Variants in PEX5L observed in about 807,000 individuals in gnomAD.
The protein encoded by PEX5L is peroxisomal biogenesis factor 5 like, also known as PEX5-related protein.
Under a neutral mutation model 84.0 loss-of-function variants are expected in PEX5L, and 30 were observed. The observed-to-expected ratio is 0.36, with a 90% CI of 0.27 to 0.48. The LOEUF (loss-of-function observed/expected upper bound fraction) is 0.48, where lower values mean the gene tolerates loss of function less well. Ranked by LOEUF, PEX5L falls within the 20% of genes least tolerant of loss-of-function variation. The probability of loss-of-function intolerance (pLI) is 0.99; values close to 1 mark genes in which losing one functional copy is unlikely to be tolerated. For synonymous variants in PEX5L, 270 were observed against 283.1 expected (o/e 0.95, Z 0.46); for missense variants, 533 against 754.6 (o/e 0.71, Z 3.44).
chr3:179,972,331 C>G (rs1784969496), intron 1 of PEX5L, among the ~76,000 whole-genome samples: 1 of 151,488 alleles, frequency 6.6e-6, no homozygotes, highest in Admixed American at 6.6e-5. Flanking sequence ...TCCCAATGAC[C>G]ACTCTCCATC....
intron 3 of PEX5L, among the ~76,000 whole-genome samples, chr3:179,896,876 A>G (rs1759498205): frequency 6.6e-6 from 1 of 152,116 alleles, no homozygotes; most frequent in Non-Finnish European, 1.5e-5. Context: ...TTTACTATGT[A>G]TATTAAGTAA....
chr3:179,951,424 A>C (rs1265739944), intron 2 of PEX5L, among the ~76,000 whole-genome samples: 1 of 152,212 alleles, frequency 6.6e-6, no homozygotes, highest in Non-Finnish European at 1.5e-5. Flanking sequence ...GCAATGAAGT[A>C]TAAGCAAATG....
intron 3 of PEX5L, among the ~76,000 whole-genome samples, chr3:179,893,956 G>A (rs760245765): frequency 2.0e-5 from 3 of 151,812 alleles, no homozygotes; most frequent in Non-Finnish European, 2.9e-5. Context: ...TTGAGATGGG[G>A]TCTTGCTATG....
intron 7 of PEX5L, among the ~76,000 whole-genome samples, chr3:179,873,170 C>T (rs1750955902): frequency 6.6e-6 from 1 of 152,164 alleles, no homozygotes. Context: ...GGACAAGTTT[C>T]TTCAGCTCAC....
chr3:179,888,590 G>A (rs1756633776), intron 3 of PEX5L, among the ~76,000 whole-genome samples: 1 of 151,208 alleles, frequency 6.6e-6, no homozygotes, highest in African/African-American at 2.4e-5. Flanking sequence ...ATGTTTCTAC[G>A]GTTAAGGGAG....
intron 1 of PEX5L, among the ~76,000 whole-genome samples, chr3:179,981,144 G>C (rs550032310): frequency 4.8e-4 from 73 of 152,150 alleles, no homozygotes; most frequent in African/African-American, 1.6e-3. Flanking sequence ...AATTATTACT[G>C]CTAATGAGGA....
At chr3:180,024,776 A>G (rs1790793393) in intron 1 of PEX5L, among the ~76,000 whole-genome samples, 1 of 152,128 alleles carries the variant, frequency 6.6e-6, no homozygotes, top group African/African-American at 2.4e-5. Context: ...ACAACAGGGT[A>G]TAAGCAAATG....
intron 7 of PEX5L, 26 bp from the exon 8 acceptor site, chr3:179,859,183 T>A (rs1008697244): frequency 1.3e-6 from 2 of 1,493,692 alleles, no homozygotes; most frequent in African/African-American, 1.4e-5. Flanking sequence ...CACATAGTGT[T>A]ATAATATTAG....
chr3:179,955,450 G>T (rs9842358), intron 2 of PEX5L, among the ~76,000 whole-genome samples: 1 of 145,032 alleles, frequency 6.9e-6, no homozygotes, highest in Non-Finnish European at 1.5e-5. Context: ...TTTTTTTGCT[G>T]AAGACTCACT....
intron 8 of PEX5L, among the ~76,000 whole-genome samples, chr3:179,831,639 A>G (rs1732988053): frequency 1.3e-5 from 2 of 152,040 alleles, no homozygotes; most frequent in Admixed American, 1.3e-4. Context: ...GGTAAGGGGG[A>G]GGAAAGGTGC....
At chr3:179,947,533 T>C (rs993298549) in intron 2 of PEX5L, among the ~76,000 whole-genome samples, 1 of 152,014 alleles carries the variant, frequency 6.6e-6, no homozygotes, top group Non-Finnish European at 1.5e-5. Context: ...GGTTTTTTTC[T>C]ATTACAGTAG....
intron 2 of PEX5L, among the ~76,000 whole-genome samples, chr3:179,929,078 T>G (rs553204644): frequency 6.6e-6 from 1 of 152,322 alleles, no homozygotes; most frequent in South Asian, 2.1e-4. Flanking sequence ...AATGACTTAT[T>G]CCATCAAGTC....
chr3:179,925,349 T>G (rs894793622), intron 2 of PEX5L, among the ~76,000 whole-genome samples: 2 of 119,836 alleles, frequency 1.7e-5, no homozygotes, highest in Admixed American at 1.6e-4. Context: ...ATAAACACTG[T>G]GGTTAGTTTT....
At chr3:180,001,806 C>T (rs1489824866) in intron 1 of PEX5L, among the ~76,000 whole-genome samples, 1 of 151,956 alleles carries the variant, frequency 6.6e-6, no homozygotes, top group African/African-American at 2.4e-5. Context: ...TTCCTGCTTC[C>T]CAGTACATTT....
intron 2 of PEX5L, among the ~76,000 whole-genome samples, chr3:179,952,490 T>A (rs1281655615): frequency 6.6e-6 from 1 of 152,120 alleles, no homozygotes; most frequent in Non-Finnish European, 1.5e-5. Context: ...TGTAAGTTCA[T>A]CTAATCACTT....
chr3:179,819,782 GCTATTGA>G, intron 9 of PEX5L, 71 bp downstream of exon 9: 1 of 1,188,962 alleles, frequency 8.4e-7, no homozygotes, highest in South Asian at 1.3e-5. Context: ...TGACAGAATA[GCTATTGA>G]CTAATCTATA....
chr3:179,844,080 CCACTT>C (rs1265848375), intron 8 of PEX5L, among the ~76,000 whole-genome samples: 1 of 152,218 alleles, frequency 6.6e-6, no homozygotes, highest in Non-Finnish European at 1.5e-5. Context: ...GCTCATGTGA[CCACTT>C]CACTTCCATT....
intron 2 of PEX5L, among the ~76,000 whole-genome samples, chr3:179,955,716 G>A (rs866547464): frequency 1.3e-5 from 2 of 151,752 alleles, no homozygotes; most frequent in South Asian, 2.1e-4. Context: ...TTAGAACTAC[G>A]TATTATAATA....
chr3:179,806,904 A>G (rs535183566), intron 14 of PEX5L, among the ~76,000 whole-genome samples: 7 of 151,758 alleles, frequency 4.6e-5, no homozygotes, highest in South Asian at 2.1e-4. Flanking sequence ...AGAGAATGAG[A>G]AAGGGTTTAC....
Sources: gnomAD v4.1 joint callset for allele counts (sites outside exome capture counted in the v4.1 genomes callset) on GRCh38, gnomAD v4.1.1 for gene constraint, MANE v1.5 for transcripts, NCBI Gene and HGNC (gene_info 2026-07-23, HGNC 2026-07-21) for gene names.